HEPH: variants seen among roughly 807,000 people sequenced by gnomAD.
HEPH encodes the protein hephaestin.
In HEPH, 69 loss-of-function variants were observed where a neutral mutation model predicts 80.8. The observed-to-expected ratio is 0.85, with a 90% CI of 0.70 to 1.04. The LOEUF (loss-of-function observed/expected upper bound fraction) is 1.04, where lower values mean the gene tolerates loss of function less well. HEPH is among the 50% of genes least tolerant of loss of function. The pLI is 0.00. For missense variants in HEPH, 1,115 were observed against 891.3 expected (o/e 1.25, Z -3.20); for synonymous variants, 431 against 322.8 (o/e 1.34, Z -3.60).
chrX:66,190,514 AG>A (rs2147704060), intron 6 of HEPH, among the ~76,000 whole-genome samples: 1 of 111,528 alleles, frequency 9.0e-6, no homozygotes, highest in East Asian at 2.8e-4. Context: ...ATAAGTGGTT[AG>A]GTTTGAATGG....
chrX:66,266,097 T>C lies in HEPH; in HGVS notation c.3245-343T>C, dbSNP rs189698961. Among the ~76,000 whole-genome samples, 272 of 110,058 alleles carry C rather than the reference T, an allele frequency of 2.5e-3. 1 individual carries two copies. Among genetic ancestry groups the C allele is most frequent in the Non-Finnish European group, 2.2e-3 (114 of 52,637 alleles). ...TCCCTTATTGCCTCCAATTCTACCC[T>C]CTGAAGCCATACAGAACAAGTCAAA... On this transcript the variant is annotated intron_variant, in intron 20 of 20. Coordinates refer to ENST00000343002, the MANE Select transcript of HEPH (RefSeq NM_001367233.3).
chrX:66,193,126 C>G (rs1474472648), intron 7 of HEPH, among the ~76,000 whole-genome samples: 1 of 110,592 alleles, frequency 9.0e-6, no homozygotes, highest in East Asian at 2.8e-4. Flanking sequence ...ATTATTAATA[C>G]CTAAGGATGA....
intron 18 of HEPH, among the ~76,000 whole-genome samples, chrX:66,259,761 T>A (rs2091298012): frequency 9.3e-6 from 1 of 107,481 alleles, no homozygotes; most frequent in South Asian, 4.3e-4. Flanking sequence ...CAGGCTGGAG[T>A]GCAGTGGTGT....
At position 66,260,020 on chromosome X, in the gene HEPH, C is replaced by G. The variant is rs1054337256; in HGVS notation, c.3037-80C>G. Reference sequence around the variant, plus strand: ...TCTCAGCTCCCTAATGTGGACATCACAATTTTTTGGTTCCTGAAAGCTCTA... The same window carrying G: ...TCTCAGCTCCCTAATGTGGACATCAGAATTTTTTGGTTCCTGAAAGCTCTA... On this transcript the variant is annotated intron_variant, in intron 18 of 20. Transcript: ENST00000343002. 9.9e-6 allele frequency: 9 copies of G among 905,194 alleles called. No individual in the cohort carries two copies. In the African/African-American group the frequency reaches 1.8e-4, roughly 18 times the overall value. The allele number at this position is 905,194 out of a possible 1,213,427, so 74.6% of individuals were successfully genotyped here. A position where few individuals can be genotyped will look rare whatever the true frequency, so the allele number is the denominator to read the frequency against.
At chrX:66,227,778 A>G (rs958014751) in intron 15 of HEPH, among the ~76,000 whole-genome samples, 1 of 110,702 alleles carries the variant, frequency 9.0e-6, no homozygotes, top group Admixed American at 9.6e-5. Flanking sequence ...TACTAGTACC[A>G]TGCTGTTTTG....
chrX:66,162,978 A>C, upstream of HEPH: 1 of 775,242 alleles, frequency 1.3e-6, no homozygotes, highest in Non-Finnish European at 1.8e-6. Context: ...TAGTATTCTC[A>C]GACCTGTCGC....
At chrX:66,244,736 TGA>T (rs989846956) in intron 15 of HEPH, among the ~76,000 whole-genome samples, 6 of 111,396 alleles carry the variant, frequency 5.4e-5, no homozygotes, top group African/African-American at 2.0e-4. Flanking sequence ...TCTAGCTTTT[TGA>T]GTTTTCAGAG....
rs1004485269 is a variant in HEPH at position 66,168,001 on chromosome X, A to G, written c.-13-2557A>G. On this transcript the variant is annotated intron_variant, in intron 1 of 20. Coordinates refer to ENST00000343002, the MANE Select transcript of HEPH (RefSeq NM_001367233.3). ...ACTTGGCCTCCATCGCCATGTCGTA[A>G]TAGATACACAGCGACCTCTAAAAAA... 3.6e-5 allele frequency among the ~76,000 whole-genome samples: 4 copies of G among 112,033 alleles called. No homozygotes were observed. The Admixed American group carries it at 3.8e-4, about 11-fold the overall frequency.
intron 12 of HEPH, among the ~76,000 whole-genome samples, chrX:66,201,090 A>T (rs2088422161): frequency 1.8e-5 from 2 of 110,916 alleles, no homozygotes; most frequent in African/African-American, 6.6e-5. Context: ...CAGTACTTTT[A>T]TTGGGAGGAA....
intron 20 of HEPH, among the ~76,000 whole-genome samples, chrX:66,263,973 G>A (rs960777360): frequency 9.0e-6 from 1 of 110,592 alleles, no homozygotes; most frequent in Non-Finnish European, 1.9e-5. Context: ...AATGTGTGAG[G>A]GGGGAAGTAA....
At chrX:66,225,879 G>T (rs769234735) in intron 15 of HEPH, among the ~76,000 whole-genome samples, 12 of 112,476 alleles carry the variant, frequency 1.1e-4, no homozygotes, top group Non-Finnish European at 2.1e-4. Flanking sequence ...CTCAGACACT[G>T]AGTTAAAGAA....
chrX:66,199,193 A>C (rs1223827986), intron 11 of HEPH, among the ~76,000 whole-genome samples, 165 bp downstream of exon 11: 1 of 112,351 alleles, frequency 8.9e-6, no homozygotes, highest in Non-Finnish European at 1.9e-5. Flanking sequence ...TCTTATACTT[A>C]GTACCTTTGG....
chrX:66,222,295 T>C (rs1057027085), intron 15 of HEPH, among the ~76,000 whole-genome samples: 10 of 112,508 alleles, frequency 8.9e-5, no homozygotes, highest in African/African-American at 2.9e-4. Context: ...GCATGACTTA[T>C]TACTCCAGGC....
chrX:66,232,476 T>G (rs766594700), intron 15 of HEPH, among the ~76,000 whole-genome samples: 5 of 111,842 alleles, frequency 4.5e-5, no homozygotes, highest in Non-Finnish European at 9.4e-5. Flanking sequence ...ATATGTAATA[T>G]CTGCTTCAGA....
At chrX:66,253,830 C>A (rs1292498923) in intron 15 of HEPH, among the ~76,000 whole-genome samples, 1 of 111,396 alleles carries the variant, frequency 9.0e-6, no homozygotes. Context: ...TAAAAAAATT[C>A]AGTCACAAAA....
intron 15 of HEPH, among the ~76,000 whole-genome samples, chrX:66,254,071 A>G (rs2091092321): frequency 9.0e-6 from 1 of 111,686 alleles, no homozygotes; most frequent in African/African-American, 3.3e-5. Flanking sequence ...ACATTTTAAA[A>G]GGGTGAATTG....
chrX:66,232,590 G>A (rs1377379656), intron 15 of HEPH, among the ~76,000 whole-genome samples: 4 of 110,955 alleles, frequency 3.6e-5, no homozygotes, highest in Non-Finnish European at 7.6e-5. Context: ...GTGGTGCAAT[G>A]GGGGCATATG....
chrX:66,164,004 G>A (rs1160389262), upstream of HEPH, among the ~76,000 whole-genome samples: 3 of 111,919 alleles, frequency 2.7e-5, no homozygotes, highest in Non-Finnish European at 5.6e-5. Flanking sequence ...TGAGATGGAG[G>A]CTCTTTCAAT....
chrX:66,229,511 C>T (rs1221071811), intron 15 of HEPH, among the ~76,000 whole-genome samples: 2 of 111,642 alleles, frequency 1.8e-5, no homozygotes, highest in East Asian at 5.6e-4. Flanking sequence ...GTACACTGCT[C>T]AGGTGATGGG....
Sources: allele counts gnomAD v4.1 joint callset (sites outside exome capture counted in the v4.1 genomes callset), GRCh38; gene constraint gnomAD v4.1.1; transcripts MANE v1.5; gene names NCBI Gene and HGNC (gene_info 2026-07-23, HGNC 2026-07-21).